MPP7: variants seen among roughly 807,000 people sequenced by gnomAD.
MPP7 encodes the protein MAGUK p55 scaffold protein 7.
In MPP7, 60 loss-of-function variants were observed where a neutral mutation model predicts 76.5. The observed-to-expected ratio is 0.78, with a 90% CI of 0.64 to 0.97. The LOEUF is 0.97. Ranked by LOEUF, MPP7 falls within the 50% of genes least tolerant of loss-of-function variation. The pLI, the probability that MPP7 is intolerant of heterozygous loss-of-function variation, is 0.00. For synonymous variants in MPP7, 237 were observed against 244.5 expected, an observed-to-expected ratio of 0.97 and a Z score of 0.29; for missense variants, 641 against 694.0, an observed-to-expected ratio of 0.92 and a Z score of 0.86.
chr10:28,092,194 T>A (rs1038196502), intron 11 of MPP7, among the ~76,000 whole-genome samples: 1 of 152,246 alleles, frequency 6.6e-6, no homozygotes, highest in African/African-American at 2.4e-5. Flanking sequence ...GTTTATCTGA[T>A]AACATGTTTC....
At position 28,188,932 on chromosome 10, in the gene MPP7, C is replaced by T. The variant is rs1412407135; in HGVS notation, c.156+13221G>A. Among the ~76,000 whole-genome samples, 5 of 151,820 alleles carry T rather than the reference C, an allele frequency of 3.3e-5. No homozygotes were observed. The East Asian group carries it at 9.7e-4, about 29-fold the overall frequency. On this transcript the variant is annotated intron_variant, in intron 3 of 16. Coordinates refer to ENST00000683449, the MANE Select transcript of MPP7 (RefSeq NM_001318170.2). Reference sequence around the variant, plus strand: ...GACAAACAAAAACTCAAGGAATTTGCAACCAGTAGACCTGCCTTGCAAGAA... The same window carrying T: ...GACAAACAAAAACTCAAGGAATTTGTAACCAGTAGACCTGCCTTGCAAGAA...
chr10:28,137,157 TG>T (rs1474750907), intron 5 of MPP7, among the ~76,000 whole-genome samples: 10 of 152,310 alleles, frequency 6.6e-5, no homozygotes, highest in Non-Finnish European at 1.5e-4. Context: ...AGAAACAATG[TG>T]GGCCACAAAA....
chr10:28,272,328 T>C, intron 1 of MPP7, among the ~76,000 whole-genome samples: 1 of 151,728 alleles, frequency 6.6e-6, no homozygotes, highest in East Asian at 1.9e-4. Context: ...TGTGTCCAAT[T>C]TGTGAAAATT....
At position 28,085,150 on chromosome 10, in the gene MPP7, T is replaced by C. The variant is rs903311386; in HGVS notation, c.1123+4521A>G. On this transcript the variant is annotated intron_variant, in intron 12 of 16. Transcript: ENST00000683449. ...TCAAGTACTGCCCTAATTTTAAGAT[T>C]GGAAGCCATATTCTACAGTAAGATA... is the stretch of plus-strand genomic sequence containing the variant. Among the ~76,000 whole-genome samples, 3 of 152,312 alleles carry C rather than the reference T, an allele frequency of 2.0e-5. No individual in the cohort carries two copies. The South Asian group carries it at 6.2e-4, about 32-fold the overall frequency.
chr10:28,223,011 G>A (rs1473057971), intron 2 of MPP7, among the ~76,000 whole-genome samples: 2 of 146,798 alleles, frequency 1.4e-5, no homozygotes, highest in African/African-American at 2.5e-5. Flanking sequence ...GCAGGTGCCT[G>A]TAGTCCCAGC....
intron 1 of MPP7, among the ~76,000 whole-genome samples, chr10:28,262,259 G>GTA (rs71391025): frequency 1.4e-4 from 2 of 13,846 alleles, no homozygotes; most frequent in African/African-American, 6.4e-4. Context: ...ATATATATAT[G>GTA]TATATATATA....
rs543671405 is a variant in MPP7 at position 28,300,019 on chromosome 10, G to A, written c.-132+2842C>T. Reference sequence around the variant, plus strand: ...CCTGACCTTGTGATCCGCCCGCCTCGGCCTCCCAAAGTGCTGGGATTACAG... The same window carrying A: ...CCTGACCTTGTGATCCGCCCGCCTCAGCCTCCCAAAGTGCTGGGATTACAG... On this transcript the variant is annotated intron_variant, in intron 1 of 16. Coordinates refer to ENST00000683449, the MANE Select transcript of MPP7 (RefSeq NM_001318170.2). Among the ~76,000 whole-genome samples the A allele has an allele frequency of 6.3e-3, 965 of 152,046 alleles. 17 individuals carry two copies. Among genetic ancestry groups the A allele is most frequent in the African/African-American group, 0.022 (901 of 41,476 alleles).
chr10:28,195,859 T>A (rs1837564054), intron 3 of MPP7, among the ~76,000 whole-genome samples: 1 of 152,192 alleles, frequency 6.6e-6, no homozygotes, highest in Admixed American at 6.5e-5. Context: ...ATAAAATTGA[T>A]TTTGGCAATG....
At chr10:28,302,007 A>T (rs1198392839) in intron 1 of MPP7, among the ~76,000 whole-genome samples, 1 of 152,234 alleles carries the variant, frequency 6.6e-6, no homozygotes, top group African/African-American at 2.4e-5. Context: ...CCTGACTAGC[A>T]GGTGCATCCC....
chr10:28,334,607 A>G (rs765907671), upstream of MPP7: 6 of 152,232 alleles, frequency 3.9e-5, no homozygotes, highest in Non-Finnish European at 8.8e-5. Context: ...TAGAGATACA[A>G]ATCTACAAGG....
rs375222576 is a variant in MPP7, at chr10:28,056,485, A to T, written c.1546T>A (p.Phe516Ile). ...CCAAGCATCATTATACTTACTGTGA[A>T]GGGTTTTGCAGCACCTTGGTCATCT... ...SRDDQGAAKP[F>I]TEEDFQEMIK... is the part of the protein sequence containing the mutation. Residue 516 changes from phenylalanine (F) to isoleucine (I), a missense_variant, in exon 16 of 17, where the codon TTC (phenylalanine) becomes ATC (isoleucine). Coordinates refer to ENST00000683449, the MANE Select transcript of MPP7 (RefSeq NM_001318170.2). 1.9e-6 allele frequency: 3 copies of T among 1,612,268 alleles called. No homozygotes were observed. In the South Asian group the frequency reaches 3.3e-5, roughly 18 times the overall value.
At chr10:28,258,582 T>C (rs1055828044) in intron 1 of MPP7, among the ~76,000 whole-genome samples, 1 of 151,598 alleles carries the variant, frequency 6.6e-6, no homozygotes, top group African/African-American at 2.4e-5. Flanking sequence ...GTATTTTTAG[T>C]AGAAACAGGG....
In MPP7 at chr10:28,092,740, ATTTTTTTT is replaced by A. The variant is rs536385197; in HGVS notation, c.953-2907_953-2900del. 6.6e-5 allele frequency among the ~76,000 whole-genome samples: 7 copies of A among 105,516 alleles called. No homozygotes were observed. The East Asian group carries it at 1.1e-3, about 17-fold the overall frequency. 69.2% of individuals were successfully genotyped at this position (105,516 alleles called of 152,430 possible). A position where few individuals can be genotyped will look rare whatever the true frequency, so the allele number is the denominator to read the frequency against. ...GGCATGTGCCACCACACCTGGCTCA[ATTTTTTTT>A]TTTTTTTTTTTTGAAGAGATAAGGT... On this transcript the variant is annotated intron_variant, in intron 11 of 16. Coordinates refer to ENST00000683449, the MANE Select transcript of MPP7 (RefSeq NM_001318170.2).
chr10:28,186,285 G>A (rs1045146133), intron 3 of MPP7, among the ~76,000 whole-genome samples: 5 of 151,496 alleles, frequency 3.3e-5, no homozygotes, highest in African/African-American at 1.2e-4. Flanking sequence ...GGTGGAGGTT[G>A]CAGTGGGCTG....
At chr10:28,179,758 A>G (rs1477330656) in intron 3 of MPP7, among the ~76,000 whole-genome samples, 1 of 152,212 alleles carries the variant, frequency 6.6e-6, no homozygotes, top group East Asian at 1.9e-4. Context: ...CTAGGCACAC[A>G]ATAGTGGCTA....
At chr10:28,303,773 T>C (rs1272430699), upstream of MPP7, among the ~76,000 whole-genome samples, 1 of 152,136 alleles carries the variant, frequency 6.6e-6, no homozygotes, top group Non-Finnish European at 1.5e-5. Context: ...ACAGTAAACA[T>C]GCTTAATATC....
chr10:28,207,880 G>A (rs887560232), intron 2 of MPP7, among the ~76,000 whole-genome samples: 5 of 152,058 alleles, frequency 3.3e-5, no homozygotes, highest in East Asian at 1.9e-4. Context: ...CTAAATTTCC[G>A]TAAAACTGAA....
chr10:28,118,308 T>C (rs1834722071), intron 11 of MPP7: 3 of 979,130 alleles, frequency 3.1e-6, no homozygotes, highest in Non-Finnish European at 3.6e-6. Context: ...TATACACTTA[T>C]CAAAAATTTT....
chr10:28,254,004 G>GAAAAAAAAAAAAAAAAAAAAAAA (rs199511617), intron 1 of MPP7, among the ~76,000 whole-genome samples: 5 of 92,316 alleles, frequency 5.4e-5, no homozygotes, highest in Non-Finnish European at 8.2e-5. Flanking sequence ...TCACAAAAAA[G>GAAAAAAAAAAAAAAAAAAAAAAA]AAAAAAAAAA....
Sources: allele counts gnomAD v4.1 joint callset (sites outside exome capture counted in the v4.1 genomes callset), GRCh38; gene constraint gnomAD v4.1.1; transcripts MANE v1.5; gene names NCBI Gene and HGNC (gene_info 2026-07-23, HGNC 2026-07-21).